The following DUSP11 variants were observed in gnomAD, a reference collection of about 807,000 sequenced individuals.
DUSP11 encodes dual specificity phosphatase 11, also known as RNA/RNP complex-1-interacting phosphatase.
Under a neutral mutation model 41.4 loss-of-function variants are expected in DUSP11, and 27 were observed. The observed-to-expected ratio is 0.65, with a 90% confidence interval of 0.48 to 0.90. The LOEUF (loss-of-function observed/expected upper bound fraction) is 0.90. Ranked by LOEUF, DUSP11 falls within the 40% of genes least tolerant of loss-of-function variation. The pLI, the probability that DUSP11 is intolerant of heterozygous loss-of-function variation, is 0.00. For synonymous variants in DUSP11, 188 were observed against 159.3 expected, an observed-to-expected ratio of 1.18 and a Z score of -1.35; for missense variants, 465 against 461.1, an observed-to-expected ratio of 1.01 and a Z score of -0.08.
exon 9 of DUSP11, chr2:73,762,701 G>C (rs1215473934): frequency 6.2e-7 from 1 of 1,613,526 alleles, no homozygotes; most frequent in Non-Finnish European, 8.5e-7. Flanking sequence ...GGAGAGTCTG[G>C]AGTAATTATA....
Position 73,762,822 on chromosome 2 carries a change from G to C in DUSP11, c.973C>G (p.His325Asp), listed in dbSNP as rs768242430. The C allele has an allele frequency of 1.0e-5, 16 of 1,606,696 alleles. 1 individual carries two copies. In the South Asian group the frequency reaches 1.4e-4, roughly 15 times the overall value. ...CCAGGGGGACCAGGAGGAGGGAGAT[G>C]GTGTCTCTGGTAAACATGTGGATTC... is the stretch of plus-strand genomic sequence containing the variant. The change falls in exon 9 of 9, where the codon CAT (histidine) becomes GAT (aspartate). Residue 325 changes from histidine to aspartate, a missense_variant. Physicochemically the swap from His to Asp is moderately conservative, Grantham distance 81. Coordinates refer to ENST00000272444, the Ensembl canonical transcript of DUSP11.
intron 1 of DUSP11, chr2:73,779,355 C>CT (rs1672748607): frequency 6.0e-6 from 1 of 165,682 alleles, no homozygotes; most frequent in Non-Finnish European, 1.3e-5. Flanking sequence ...TTCAATGCAC[C>CT]TACGTGCAAA....
At chr2:73,774,512 C>A (rs952167783) in intron 3 of DUSP11, among the ~76,000 whole-genome samples, 11 of 152,208 alleles carry the variant, frequency 7.2e-5, no homozygotes, top group Admixed American at 7.2e-4. Context: ...TCATCCCCGA[C>A]AAAAAGACTC....
intron 6 of DUSP11, 41 bp downstream of exon 6, chr2:73,767,120 C>T: frequency 1.3e-6 from 2 of 1,565,504 alleles, no homozygotes; most frequent in Non-Finnish European, 1.7e-6. Context: ...CCACCTTTAA[C>T]TTTAATAAAA....
intron 3 of DUSP11, 123 bp downstream of exon 3, chr2:73,774,790 T>C: frequency 1.4e-6 from 1 of 721,242 alleles, no homozygotes; most frequent in Non-Finnish European, 2.1e-6. Flanking sequence ...TGGTTCTCTT[T>C]TAAACTTACT....
At chr2:73,769,355 C>A in intron 4 of DUSP11, 30 bp from the exon 5 acceptor site, 1 of 1,486,228 alleles carries the variant, frequency 6.7e-7, no homozygotes, top group Non-Finnish European at 9.4e-7. Context: ...GGTTAAGTAA[C>A]TGAAGTAGAT....
intron 2 of DUSP11, among the ~76,000 whole-genome samples, chr2:73,777,618 A>C (rs1672710521): frequency 6.6e-6 from 1 of 152,186 alleles, no homozygotes; most frequent in African/African-American, 2.4e-5. Flanking sequence ...GATTGTGACC[A>C]TGGAAGGAAA....
At chr2:73,763,729 A>G (rs1030628545) in intron 8 of DUSP11, among the ~76,000 whole-genome samples, 1 of 152,156 alleles carries the variant, frequency 6.6e-6, no homozygotes, top group Non-Finnish European at 1.5e-5. Context: ...ATCTTACAAA[A>G]AAAAATAAAG....
At chr2:73,775,236 C>T (rs1415336096) in intron 2 of DUSP11, among the ~76,000 whole-genome samples, 192 bp from the exon 3 acceptor site, 1 of 152,112 alleles carries the variant, frequency 6.6e-6, no homozygotes, top group Non-Finnish European at 1.5e-5. Flanking sequence ...AAGCCCACTT[C>T]TATATATGTA....
chr2:73,766,821 GACTT>G lies in DUSP11; in HGVS notation c.758+3_758+6del. The G allele has an allele frequency of 1.2e-6, 2 of 1,602,972 alleles. No homozygotes were observed. The highest frequency in any genetic ancestry group is 1.7e-6 in the Non-Finnish European group (2 of 1,170,292). ...CACAAATCTCACATATATAACATAA[GACTT>G]ACTTTCTGATAGGACCATTCTGAAG... On this transcript the variant is annotated splice_donor_5th_base_variant and intron_variant, in intron 7 of 8. Transcript: ENST00000272444.
intron 5 of DUSP11, chr2:73,768,644 C>A: frequency 1.0e-6 from 1 of 985,284 alleles, no homozygotes; most frequent in Non-Finnish European, 1.2e-6. Flanking sequence ...GTGCAAAGAA[C>A]AACGCAGGCC....
intron 4 of DUSP11, among the ~76,000 whole-genome samples, chr2:73,772,500 TAACGTGA>T (rs1672602283): frequency 6.6e-6 from 1 of 152,192 alleles, no homozygotes; most frequent in African/African-American, 2.4e-5. Flanking sequence ...ACAATCAGTA[TAACGTGA>T]ACAACTAAGA....
intron 2 of DUSP11, among the ~76,000 whole-genome samples, chr2:73,775,766 A>G (rs1337517934): frequency 6.7e-6 from 1 of 148,980 alleles, no homozygotes; most frequent in Non-Finnish European, 1.5e-5. Flanking sequence ...AGGCAGGAGA[A>G]TGGCGTGAAC....
chr2:73,771,554 C>T (rs558626847), intron 4 of DUSP11, among the ~76,000 whole-genome samples: 24 of 151,688 alleles, frequency 1.6e-4, no homozygotes, highest in Non-Finnish European at 3.1e-4. Context: ...AGTGCAGTGG[C>T]GCAATCTCGG....
At chr2:73,778,870 G>A (rs1036780677) in intron 1 of DUSP11, among the ~76,000 whole-genome samples, 15 of 152,272 alleles carry the variant, frequency 9.9e-5, no homozygotes, top group African/African-American at 3.6e-4. Context: ...GAACTGGCCG[G>A]GCGCGGTGGC....
chr2:73,778,362 A>AGAT, exon 2 of DUSP11: 1 of 1,545,450 alleles, frequency 6.5e-7, no homozygotes, highest in Non-Finnish European at 8.7e-7. Context: ...TCCAACTGGG[A>AGAT]GATAGTCTTT....
At chr2:73,773,765 T>C (rs1188028349) in intron 4 of DUSP11, 35 bp downstream of exon 4, 3 of 1,561,398 alleles carry the variant, frequency 1.9e-6, no homozygotes, top group Non-Finnish European at 2.6e-6. Context: ...CCATTCATAA[T>C]GCACACCACA....
intron 1 of DUSP11, chr2:73,779,548 TA>T: frequency 3.0e-6 from 1 of 337,072 alleles, no homozygotes; most frequent in East Asian, 5.9e-5. Flanking sequence ...CGTGCCAACG[TA>T]ACAAGGAATT....
At chr2:73,773,873 T>G in exon 4 of DUSP11, 1 of 1,604,782 alleles carries the variant, frequency 6.2e-7, no homozygotes, top group Admixed American at 1.7e-5. Context: ...CATCAGGCAC[T>G]TGATGTCCAA....
Sources: gnomAD v4.1 joint callset for allele counts (sites outside exome capture counted in the v4.1 genomes callset) on GRCh38, gnomAD v4.1.1 for gene constraint, MANE v1.5 for transcripts, NCBI Gene and HGNC (gene_info 2026-07-23, HGNC 2026-07-21) for gene names.